Variants in RAD9B observed in about 807,000 individuals in gnomAD.
RAD9B encodes RAD9 checkpoint clamp component B, also known as cell cycle checkpoint control protein RAD9B.
RAD9B carries 41 observed loss-of-function variants against 48.3 expected under a neutral mutation model. The ratio of observed to expected loss-of-function variants is 0.85; its 90% CI spans 0.66 to 1.10. The LOEUF (loss-of-function observed/expected upper bound fraction) is 1.10. RAD9B is among the 50% of genes least tolerant of loss of function. The probability of loss-of-function intolerance (pLI) is 0.00; values close to 1 mark genes in which losing one functional copy is unlikely to be tolerated. For missense variants in RAD9B, 444 were observed against 485.1 expected, an observed-to-expected ratio of 0.92 and a Z score of 0.80; for synonymous variants, 160 against 157.9, an observed-to-expected ratio of 1.01 and a Z score of -0.10.
At position 110,507,365 on chromosome 12, in the gene RAD9B, TTA is replaced by T. The variant is rs201326555; in HGVS notation, c.388+679_388+680del. ...ATGTATATTATATATATAATATGTA[TTA>T]TATATAATATATGTATTATATATAA... On this transcript the variant is annotated intron_variant, in intron 4 of 10. Transcript: ENST00000409300. Among the ~76,000 whole-genome samples, 4 of 144,926 alleles carry T rather than the reference TTA, an allele frequency of 2.8e-5. No individual in the cohort carries two copies. The East Asian group carries it at 7.8e-4, about 28-fold the overall frequency.
At chr12:110,502,483 G>A in intron 1 of RAD9B, 100 bp downstream of exon 1, 3 of 1,400,582 alleles carry the variant, frequency 2.1e-6, no homozygotes, top group Non-Finnish European at 2.0e-6. Context: ...GCCTTTTTGC[G>A]CAATGACTGA....
At chr12:110,510,658 A>C (rs774827904) in intron 4 of RAD9B, among the ~76,000 whole-genome samples, 7 of 152,210 alleles carry the variant, frequency 4.6e-5, no homozygotes, top group Non-Finnish European at 7.3e-5. Context: ...TATTGTGAGG[A>C]TCAGAGAGAA....
chr12:110,523,008 A>G (rs1302512304), intron 10 of RAD9B, among the ~76,000 whole-genome samples: 14 of 152,204 alleles, frequency 9.2e-5, no homozygotes, highest in Admixed American at 8.5e-4. Flanking sequence ...TATCTCAAAT[A>G]TTGATAATCC....
chr12:110,507,707 A>G (rs988219738), intron 4 of RAD9B, among the ~76,000 whole-genome samples: 2 of 150,072 alleles, frequency 1.3e-5, no homozygotes. Flanking sequence ...CTGGAGTGCA[A>G]TGGCATGATC....
chr12:110,528,720 A>C (rs552330891), intron 10 of RAD9B, among the ~76,000 whole-genome samples: 8 of 152,018 alleles, frequency 5.3e-5, no homozygotes, highest in Non-Finnish European at 1.2e-4. Flanking sequence ...AGTGAGGGAG[A>C]AGCTTTTTTT....
intron 10 of RAD9B, among the ~76,000 whole-genome samples, chr12:110,523,205 G>C (rs1170413649): frequency 6.6e-6 from 1 of 152,122 alleles, no homozygotes; most frequent in African/African-American, 2.4e-5. Flanking sequence ...GAAGGCCAAG[G>C]AGGGAAGATC....
At position 110,512,144 on chromosome 12, in the gene RAD9B, CT is replaced by C. The variant is rs777973965; in HGVS notation, c.389-621del. On this transcript the variant is annotated intron_variant, in intron 4 of 10. Transcript: ENST00000409300. ...ACATGCGTGAGCCACCGTGCCTGGC[CT>C]TTTTTTTTTTTTTCTTTTTGAGACA... 1.4e-3 allele frequency among the ~76,000 whole-genome samples: 203 copies of C among 141,024 alleles called. 1 individual carries two copies. The highest frequency in any genetic ancestry group is 2.9e-3 in the South Asian group (13 of 4,450). The allele number at this position is 141,024 out of a possible 152,430, so 92.5% of individuals were successfully genotyped here.
Position 110,503,856 on chromosome 12 carries a change from C to T in RAD9B, c.97C>T (p.Leu33=). Residue 33 remains leucine (L), a synonymous_variant, in exon 2 of 11, where the codon CTA becomes TTA. Transcript: ENST00000409300. The part of the protein sequence containing the change: ...ALSRISDEFW[L]DPSKKGLALR... Reference sequence around the variant, plus strand: ...ATCACGAATTAGTGACGAGTTCTGGCTAGACCCATCTAAAAAAGGTGTAAG... The same window carrying T: ...ATCACGAATTAGTGACGAGTTCTGGTTAGACCCATCTAAAAAAGGTGTAAG... 1 of 1,574,788 alleles carries T rather than the reference C, an allele frequency of 6.4e-7. No individual in the cohort carries two copies.
At chr12:110,528,067 G>A (rs910012916) in intron 10 of RAD9B, among the ~76,000 whole-genome samples, 3 of 152,186 alleles carry the variant, frequency 2.0e-5, no homozygotes, top group African/African-American at 7.2e-5. Context: ...TGGAAGCTGT[G>A]CAAGCGGCCA....
intron 9 of RAD9B, among the ~76,000 whole-genome samples, chr12:110,520,530 T>C (rs548437125): frequency 1.3e-5 from 2 of 150,830 alleles, no homozygotes; most frequent in Admixed American, 1.3e-4. Flanking sequence ...TTTTTTTTGT[T>C]TTTTTTTAGG....
At chr12:110,530,333 C>G (rs996569750) in intron 10 of RAD9B, among the ~76,000 whole-genome samples, 192 bp from the exon 11 acceptor site, 1 of 152,034 alleles carries the variant, frequency 6.6e-6, no homozygotes, top group African/African-American at 2.4e-5. Context: ...GCGTGAGCCA[C>G]CATGCGCGGC....
chr12:110,505,998 C>A (rs1248890252), intron 3 of RAD9B, among the ~76,000 whole-genome samples: 1 of 151,880 alleles, frequency 6.6e-6, no homozygotes, highest in African/African-American at 2.4e-5. Flanking sequence ...GATTTTTGTG[C>A]CTCAGCCTCC....
chr12:110,506,146 A>G (rs915606806), intron 3 of RAD9B, among the ~76,000 whole-genome samples: 2 of 151,624 alleles, frequency 1.3e-5, no homozygotes, highest in Non-Finnish European at 2.9e-5. Flanking sequence ...TCGGCCTCCC[A>G]AAGTGCTGGG....
At chr12:110,527,023 G>A (rs2063967831) in intron 10 of RAD9B, among the ~76,000 whole-genome samples, 1 of 152,030 alleles carries the variant, frequency 6.6e-6, no homozygotes, top group South Asian at 2.1e-4. Context: ...GAAACAACAT[G>A]AATTGAGTAT....
intron 8 of RAD9B, among the ~76,000 whole-genome samples, chr12:110,519,548 A>G (rs762456031): frequency 3.9e-5 from 6 of 151,914 alleles, no homozygotes; most frequent in Non-Finnish European, 5.9e-5. Flanking sequence ...CTTCTGCCTT[A>G]GCCTCTTGAG....
At chr12:110,523,277 C>A (rs57837519) in intron 10 of RAD9B, among the ~76,000 whole-genome samples, 1 of 151,812 alleles carries the variant, frequency 6.6e-6, no homozygotes, top group African/African-American at 2.4e-5. Context: ...TCAACAAAAA[C>A]TTAAATATTA....
chr12:110,513,028 C>G (rs537142229), intron 5 of RAD9B, 150 bp downstream of exon 5: 1 of 533,620 alleles, frequency 1.9e-6, no homozygotes, highest in African/African-American at 2.0e-5. Context: ...TGCAGTGGCG[C>G]GATCTTGGCT....
rs927168628 is a variant in RAD9B, at chr12:110,532,278, T to C, written c.*1625T>C. On this transcript the variant is annotated 3_prime_UTR_variant, in exon 11 of 11. Coordinates refer to ENST00000409300, the MANE Select transcript of RAD9B (RefSeq NM_001286535.2). ...CAGATGCCTACACAGGGAGCTTTTATACACAAAAGTAACTCTGTAGGTCTC... is the reference window on the plus strand; with the variant it reads ...CAGATGCCTACACAGGGAGCTTTTACACACAAAAGTAACTCTGTAGGTCTC... 6.6e-5 allele frequency among the ~76,000 whole-genome samples: 10 copies of C among 152,228 alleles called. No homozygotes were observed. Among genetic ancestry groups the C allele is most frequent in the African/African-American group, 2.2e-4 (9 of 41,458 alleles).
intron 10 of RAD9B, among the ~76,000 whole-genome samples, 184 bp from the exon 11 acceptor site, chr12:110,530,341 G>A (rs117554792): frequency 0.02 from 3,019 of 151,974 alleles, 40 homozygotes; most frequent in Middle Eastern, 0.082. Flanking sequence ...CACCATGCGC[G>A]GCCAAGGTTT....
Sources: allele counts gnomAD v4.1 joint callset (sites outside exome capture counted in the v4.1 genomes callset), GRCh38; gene constraint gnomAD v4.1.1; transcripts MANE v1.5; gene names NCBI Gene and HGNC (gene_info 2026-07-23, HGNC 2026-07-21).